The following ST8SIA1 variants were observed in gnomAD, a reference collection of about 807,000 sequenced individuals.
The protein encoded by ST8SIA1 is alpha-N-acetylneuraminide alpha-2,8-sialyltransferase.
ST8SIA1 carries 16 observed loss-of-function variants against 35.9 expected under a neutral mutation model. The observed-to-expected ratio is 0.45, with a 90% CI of 0.30 to 0.68. The LOEUF (loss-of-function observed/expected upper bound fraction) is 0.68, where lower values mean the gene tolerates loss of function less well. Ranked by LOEUF, ST8SIA1 falls within the 30% of genes least tolerant of loss-of-function variation. ST8SIA1 has a pLI of 0.09. For synonymous variants in ST8SIA1, 170 were observed against 169.6 expected (o/e 1.00, Z -0.02); for missense variants, 383 against 453.6 (o/e 0.84, Z 1.41).
At chr12:22,296,843 G>A (rs767790832) in intron 1 of ST8SIA1, among the ~76,000 whole-genome samples, 6 of 152,138 alleles carry the variant, frequency 3.9e-5, no homozygotes, top group Admixed American at 3.9e-4. Flanking sequence ...AAGAACAGCT[G>A]AAAATACGGT....
chr12:22,259,939 C>T (rs1865769906), intron 2 of ST8SIA1, among the ~76,000 whole-genome samples: 1 of 151,986 alleles, frequency 6.6e-6, no homozygotes, highest in Non-Finnish European at 1.5e-5. Flanking sequence ...CATCCATTGC[C>T]ACATGAATAT....
At chr12:22,308,063 C>CATG (rs1866406399) in intron 1 of ST8SIA1, among the ~76,000 whole-genome samples, 1 of 152,164 alleles carries the variant, frequency 6.6e-6, no homozygotes, top group Non-Finnish European at 1.5e-5. Context: ...GTAACTGGGA[C>CATG]TACAGGCATG....
At chr12:22,221,147 C>T (rs1290659409) in intron 4 of ST8SIA1, among the ~76,000 whole-genome samples, 2 of 152,056 alleles carry the variant, frequency 1.3e-5, no homozygotes, top group Non-Finnish European at 2.9e-5. Flanking sequence ...GAGAAGCATG[C>T]AGTTATTTCA....
chr12:22,307,512 ATGGGAAAGGGCAACTCC>A (rs973026147), intron 1 of ST8SIA1, among the ~76,000 whole-genome samples: 23 of 152,238 alleles, frequency 1.5e-4, no homozygotes, highest in African/African-American at 5.1e-4. Context: ...CTTCTAACAG[ATGGGAAAGGGCAACTCC>A]TTGCACCTGT....
At chr12:22,322,356 TTG>T (rs1256568274) in intron 1 of ST8SIA1, among the ~76,000 whole-genome samples, 2 of 152,222 alleles carry the variant, frequency 1.3e-5, no homozygotes, top group Non-Finnish European at 2.9e-5. Flanking sequence ...GTAATTAGCA[TTG>T]TGCCTGGCAC....
At chr12:22,284,636 G>A (rs1178259678) in intron 2 of ST8SIA1, among the ~76,000 whole-genome samples, 10 of 152,076 alleles carry the variant, frequency 6.6e-5, no homozygotes, top group Non-Finnish European at 1.5e-4. Context: ...TCATTGAATT[G>A]GTTCTGCCTT....
At chr12:22,215,482 G>T (rs1865224740) in intron 4 of ST8SIA1, among the ~76,000 whole-genome samples, 2 of 152,182 alleles carry the variant, frequency 1.3e-5, no homozygotes, top group Non-Finnish European at 2.9e-5. Context: ...TATTTGGGAA[G>T]AGCTATGAAG....
chr12:22,232,709 CAT>C (rs1865433560), intron 4 of ST8SIA1, among the ~76,000 whole-genome samples: 2 of 151,974 alleles, frequency 1.3e-5, no homozygotes, highest in African/African-American at 4.8e-5. Context: ...CATGGTGGCG[CAT>C]GCCTGTAATC....
At chr12:22,289,175 C>T (rs989931123) in intron 1 of ST8SIA1, among the ~76,000 whole-genome samples, 3 of 152,162 alleles carry the variant, frequency 2.0e-5, no homozygotes, top group Non-Finnish European at 4.4e-5. Flanking sequence ...ATCACCAGCA[C>T]GATGCTAAAT....
intron 4 of ST8SIA1, among the ~76,000 whole-genome samples, chr12:22,242,755 G>C (rs1314835810): frequency 6.6e-6 from 1 of 152,142 alleles, no homozygotes; most frequent in Non-Finnish European, 1.5e-5. Flanking sequence ...TGAATCCTCT[G>C]CCTTCCACCT....
chr12:22,256,698 C>A (rs1865731870), intron 2 of ST8SIA1, among the ~76,000 whole-genome samples: 1 of 152,104 alleles, frequency 6.6e-6, no homozygotes, highest in Admixed American at 6.5e-5. Flanking sequence ...GATTTTATTC[C>A]TTTGATTTCT....
At chr12:22,274,999 T>A (rs749047413) in intron 2 of ST8SIA1, among the ~76,000 whole-genome samples, 1 of 152,192 alleles carries the variant, frequency 6.6e-6, no homozygotes, top group Non-Finnish European at 1.5e-5. Context: ...TTCAGTTGTA[T>A]TAAGAGAGAT....
chr12:22,302,080 G>C (rs889835972), intron 1 of ST8SIA1, among the ~76,000 whole-genome samples: 3 of 152,108 alleles, frequency 2.0e-5, no homozygotes, highest in Non-Finnish European at 4.4e-5. Flanking sequence ...GGAAACTGGA[G>C]ACAGAAAAAT....
chr12:22,304,832 T>C (rs1043100574), intron 1 of ST8SIA1, among the ~76,000 whole-genome samples: 2 of 152,252 alleles, frequency 1.3e-5, no homozygotes, highest in Non-Finnish European at 1.5e-5. Flanking sequence ...GTAGTCCCTA[T>C]CTAAATAAAA....
chr12:22,206,089 T>C (rs1303588123), intron 4 of ST8SIA1, among the ~76,000 whole-genome samples: 2 of 152,142 alleles, frequency 1.3e-5, no homozygotes, highest in Non-Finnish European at 2.9e-5. Context: ...CAAAAAGGAA[T>C]ATTAATAGAA....
At chr12:22,269,274 G>A (rs1355966501) in intron 2 of ST8SIA1, among the ~76,000 whole-genome samples, 1 of 151,900 alleles carries the variant, frequency 6.6e-6, no homozygotes, top group Non-Finnish European at 1.5e-5. Flanking sequence ...GGCAGTTAGT[G>A]AAAAATTCAG....
chr12:22,275,515 C>G (rs1264607330), intron 2 of ST8SIA1, among the ~76,000 whole-genome samples: 1 of 152,070 alleles, frequency 6.6e-6, no homozygotes, highest in Non-Finnish European at 1.5e-5. Context: ...GGTCACACCA[C>G]TGCACTCCAG....
chr12:22,313,206 A>G (rs1465563538), intron 1 of ST8SIA1, among the ~76,000 whole-genome samples: 1 of 152,200 alleles, frequency 6.6e-6, no homozygotes, highest in African/African-American at 2.4e-5. Flanking sequence ...ACATTAGTAG[A>G]GAGAACTAAT....
chr12:22,219,024 A>G (rs1356227244), intron 4 of ST8SIA1, among the ~76,000 whole-genome samples: 1 of 152,146 alleles, frequency 6.6e-6, no homozygotes, highest in African/African-American at 2.4e-5. Flanking sequence ...AAAATATTAT[A>G]AAATGTATCA....
Sources: allele counts gnomAD v4.1 joint callset (sites outside exome capture counted in the v4.1 genomes callset), GRCh38; gene constraint gnomAD v4.1.1; transcripts MANE v1.5; gene names NCBI Gene and HGNC (gene_info 2026-07-23, HGNC 2026-07-21).